STAG1: variants seen among roughly 807,000 people sequenced by gnomAD.
STAG1 encodes STAG1 cohesin complex component.
A neutral mutation model predicts 170.9 loss-of-function variants in STAG1; 26 were observed. That is an observed-to-expected ratio of 0.15 (90% CI 0.11 to 0.21). The LOEUF is 0.21. Ranked by LOEUF, STAG1 falls within the 10% of genes least tolerant of loss-of-function variation. STAG1 has a pLI of 1.00. For synonymous variants in STAG1, 514 were observed against 497.7 expected (o/e 1.03, Z -0.44); for missense variants, 964 against 1,509.5 (o/e 0.64, Z 5.99).
intron 1 of STAG1, among the ~76,000 whole-genome samples, chr3:136,668,884 G>A (rs1351964479): frequency 6.6e-6 from 1 of 152,150 alleles, no homozygotes; most frequent in Non-Finnish European, 1.5e-5. Flanking sequence ...AACTATCACA[G>A]ATGTCAAAGG....
chr3:136,343,867 C>A lies in STAG1; in HGVS notation c.3411G>T (p.Glu1137Asp), dbSNP rs1181078047. 11 of 1,597,436 alleles carry A rather than the reference C, an allele frequency of 6.9e-6. No individual in the cohort carries two copies. In the East Asian group the frequency reaches 2.3e-4, roughly 33 times the overall value. ...RPMGDQIQEPESEHGSEPDFL... is the reference protein window; with the variant it reads ...RPMGDQIQEPDSEHGSEPDFL... The stretch of plus-strand genomic sequence containing the variant: ...AGTCTGGTTCAGAACCATGTTCAGA[C>A]TCAGGTTCTTGAATCTGGTCTCCCA... The change falls in exon 30 of 34, where the codon GAG becomes GAT. Residue 1137 changes from glutamate (E) to aspartate (D), a missense_variant. By Grantham distance (45) the Glu-to-Asp change is conservative. Transcript: ENST00000383202.
At chr3:136,577,789 AATGT>A (rs1559888604) in intron 4 of STAG1, among the ~76,000 whole-genome samples, 2 of 152,242 alleles carry the variant, frequency 1.3e-5, no homozygotes, top group African/African-American at 4.8e-5. Context: ...GTAGATTCTA[AATGT>A]ATTTTACCAA....
chr3:136,631,673 A>C (rs1297711373), intron 1 of STAG1, among the ~76,000 whole-genome samples: 1 of 151,580 alleles, frequency 6.6e-6, no homozygotes, highest in African/African-American at 2.4e-5. Flanking sequence ...ATAAGCAAAC[A>C]CTCTTTACTT....
At chr3:136,584,419 T>A (rs1200128263) in intron 4 of STAG1, among the ~76,000 whole-genome samples, 1 of 152,210 alleles carries the variant, frequency 6.6e-6, no homozygotes, top group Non-Finnish European at 1.5e-5. Flanking sequence ...AACTATCACA[T>A]GCAAGCCATC....
chr3:136,419,445 C>T (rs571845557), intron 20 of STAG1, among the ~76,000 whole-genome samples: 24 of 151,964 alleles, frequency 1.6e-4, no homozygotes, highest in Admixed American at 9.2e-4. Context: ...TTTCAGCCAC[C>T]GCACCCAGCC....
At chr3:136,719,699 A>G (rs1033786180) in intron 1 of STAG1, among the ~76,000 whole-genome samples, 8 of 147,014 alleles carry the variant, frequency 5.4e-5, no homozygotes, top group Non-Finnish European at 1.1e-4. Context: ...GGATGGATGG[A>G]TGGATGGATC....
chr3:136,542,233 A>G (rs772412946), intron 5 of STAG1, 38 bp from the exon 6 acceptor site: 3 of 1,472,316 alleles, frequency 2.0e-6, no homozygotes, highest in South Asian at 1.1e-5. Flanking sequence ...CTTTCAATTA[A>G]TCTTTCAGAT....
At chr3:136,528,071 C>G (rs900950712) in intron 6 of STAG1, among the ~76,000 whole-genome samples, 1 of 152,172 alleles carries the variant, frequency 6.6e-6, no homozygotes, top group African/African-American at 2.4e-5. Flanking sequence ...GTTCTCAGAT[C>G]TCAAACTCCG....
chr3:136,549,916 A>T (rs1025994591), intron 5 of STAG1, among the ~76,000 whole-genome samples: 5 of 152,158 alleles, frequency 3.3e-5, no homozygotes, highest in African/African-American at 1.2e-4. Context: ...TTTGTCTGGT[A>T]TCTACTGAGA....
At chr3:136,457,516 C>A (rs775773464) in intron 13 of STAG1, among the ~76,000 whole-genome samples, 1 of 152,186 alleles carries the variant, frequency 6.6e-6, no homozygotes, top group Non-Finnish European at 1.5e-5. Flanking sequence ...GCTCCCAGAG[C>A]TCGGGGCCTT....
At chr3:136,737,362 A>C in intron 1 of STAG1, 1 of 358,986 alleles carries the variant, frequency 2.8e-6, no homozygotes. Flanking sequence ...TCAGCCTCCC[A>C]AAGTGCTGGG....
At chr3:136,597,521 G>A (rs1203643501) in intron 4 of STAG1, among the ~76,000 whole-genome samples, 1 of 152,058 alleles carries the variant, frequency 6.6e-6, no homozygotes, top group Non-Finnish European at 1.5e-5. Context: ...AGTTTATTCT[G>A]TTCCACCCAA....
At chr3:136,394,938 CAAAA>C (rs778204800) in intron 22 of STAG1, among the ~76,000 whole-genome samples, 1 of 59,318 alleles carries the variant, frequency 1.7e-5, no homozygotes, top group Non-Finnish European at 3.7e-5. Context: ...GACTCTGTCT[CAAAA>C]AAAAAAAAAA....
At chr3:136,435,056 C>T (rs1266609797) in intron 15 of STAG1, among the ~76,000 whole-genome samples, 4 of 152,232 alleles carry the variant, frequency 2.6e-5, no homozygotes, top group South Asian at 4.1e-4. Context: ...TATGACAATG[C>T]TTTACTGCTT....
intron 23 of STAG1, among the ~76,000 whole-genome samples, chr3:136,369,820 T>G (rs978142997): frequency 6.6e-6 from 1 of 152,170 alleles, no homozygotes; most frequent in African/African-American, 2.4e-5. Flanking sequence ...TGCATATACA[T>G]GATGGTGGAT....
intron 31 of STAG1, 115 bp from the exon 32 acceptor site, chr3:136,340,720 C>T: frequency 1.5e-6 from 1 of 653,880 alleles, no homozygotes; most frequent in Non-Finnish European, 2.8e-6. Flanking sequence ...TAATCATGAC[C>T]TACAGACTAC....
intron 21 of STAG1, among the ~76,000 whole-genome samples, chr3:136,416,250 C>T (rs1262742478): frequency 6.6e-6 from 1 of 152,210 alleles, no homozygotes; most frequent in Non-Finnish European, 1.5e-5. Flanking sequence ...TTGTGATCCG[C>T]CCACCTTGGC....
intron 7 of STAG1, among the ~76,000 whole-genome samples, chr3:136,506,861 TA>T (rs1252500594): frequency 6.6e-6 from 1 of 152,052 alleles, no homozygotes; most frequent in Non-Finnish European, 1.5e-5. Context: ...AGATGGAAAT[TA>T]GAAAAAGGTG....
intron 1 of STAG1, among the ~76,000 whole-genome samples, chr3:136,739,515 AAAAAG>A (rs1934541520): frequency 1.3e-5 from 2 of 149,018 alleles, no homozygotes; most frequent in Non-Finnish European, 1.5e-5. Flanking sequence ...AAAAAAAAAA[AAAAAG>A]AAAAAAAAAA....
Sources: gnomAD v4.1 joint callset for allele counts (sites outside exome capture counted in the v4.1 genomes callset) on GRCh38, gnomAD v4.1.1 for gene constraint, MANE v1.5 for transcripts, NCBI Gene and HGNC (gene_info 2026-07-23, HGNC 2026-07-21) for gene names.